SAMD9: variants seen among roughly 807,000 people sequenced by gnomAD.
SAMD9 encodes the protein sterile alpha motif domain containing 9, also known as sterile alpha motif domain-containing protein 9.
In SAMD9, 3 loss-of-function variants were observed where a neutral mutation model predicts 1.5. The observed-to-expected ratio is 2.05, with a 90% CI of 0.93 to 5.29. The LOEUF is 5.29. Ranked by LOEUF, SAMD9 falls within the 30% of genes most tolerant of loss-of-function variation. SAMD9 has a pLI of 0.02. For synonymous variants in SAMD9, 635 were observed against 631.9 expected (o/e 1.00, Z -0.07); for missense variants, 1,597 against 1,820.8 (o/e 0.88, Z 2.24).
At chr7:93,106,158 AAC>A in intron 2 of SAMD9, 53 bp from the exon 3 acceptor site, 1 of 1,279,682 alleles carries the variant, frequency 7.8e-7, no homozygotes, top group Non-Finnish European at 1.1e-6. Context: ...AAAATTTTGA[AAC>A]AATTTTAGTA....
Position 93,103,776 on chromosome 7 carries a change from T to C in SAMD9, c.2322A>G (p.Gly774=). The change falls in exon 3 of 3, where the codon GGA becomes GGG. Residue 774 remains glycine (G), a synonymous_variant. Coordinates refer to ENST00000379958, the MANE Select transcript of SAMD9 (RefSeq NM_017654.4). The part of the protein sequence containing the change: ...KNKTVDFSEI[G]EQVTSLITYG... ...AGGTGATTAAACTGGTTACCTGTTC[T>C]CCAATTTCAGAAAAATCCACTGTCT... The C allele has an allele frequency of 6.2e-7, 1 of 1,613,974 alleles. No individual in the cohort carries two copies. Among genetic ancestry groups the C allele is most frequent in the Non-Finnish European group, 8.5e-7 (1 of 1,179,878 alleles).
chr7:93,105,486 T>C lies in SAMD9; in HGVS notation c.612A>G (p.Ala204=), dbSNP rs749492706. 3.2e-5 allele frequency: 52 copies of C among 1,613,968 alleles called. No homozygotes were observed. The highest frequency in any genetic ancestry group is 1.8e-4 in the Admixed American group (11 of 59,994). The part of the protein sequence containing the change: ...IHEFKAFTNT[A]TATEEDVKMK... ...TCTTGACATCCTCTTCTGTGGCTGT[T>C]GCTGTATTTGTGAAGGCTTTGAATT... Residue 204 remains alanine (A), a synonymous_variant, in exon 3 of 3, where the codon GCA becomes GCG. Transcript: ENST00000379958.
At position 93,102,820 on chromosome 7, in the gene SAMD9, T is replaced by C. The variant is rs781049422; in HGVS notation, c.3278A>G (p.Tyr1093Cys). ...FICQALARHF[Y>C]IKKKDFGNAL... ...ATTGCCAAAGTCCTTCTTTTTAATG[T>C]AGAAATGTCTTGCCAACGCTTGGCA... is the stretch of plus-strand genomic sequence containing the variant. The change falls in exon 3 of 3, where the codon TAC (tyrosine) becomes TGC (cysteine). Residue 1093 changes from tyrosine to cysteine, a missense_variant. By Grantham distance (194) the Tyr-to-Cys change is radical. Transcript: ENST00000379958. The C allele has an allele frequency of 5.0e-6, 8 of 1,613,792 alleles. No individual in the cohort carries two copies. The highest frequency in any genetic ancestry group is 1.3e-5 in the African/African-American group (1 of 74,916).
intron 2 of SAMD9, among the ~76,000 whole-genome samples, chr7:93,113,708 C>T (rs1438302961): frequency 6.6e-6 from 1 of 152,180 alleles, no homozygotes; most frequent in Non-Finnish European, 1.5e-5. Context: ...TGTTCATCAT[C>T]ACTGGCCACC....
intron 2 of SAMD9, among the ~76,000 whole-genome samples, chr7:93,113,870 C>T (rs1173191565): frequency 6.6e-6 from 1 of 152,134 alleles, no homozygotes; most frequent in East Asian, 1.9e-4. Context: ...ACTAGTTCAA[C>T]CATTGTGGAA....
In SAMD9 at chr7:93,111,166, T is replaced by A. The variant is rs571448178; in HGVS notation, c.-9+3629A>T. 4.6e-3 allele frequency among the ~76,000 whole-genome samples: 700 copies of A among 151,732 alleles called. 12 individuals carry two copies. The highest frequency in any genetic ancestry group is 0.025 in the Admixed American group (388 of 15,246). Reference sequence around the variant, plus strand: ...GATTAAGAAACTCACTCAAAACCGCTCAACTACATGGAAACTGAACAACCT... The same window carrying A: ...GATTAAGAAACTCACTCAAAACCGCACAACTACATGGAAACTGAACAACCT... On this transcript the variant is annotated intron_variant, in intron 2 of 2. Transcript: ENST00000379958.
At chr7:93,115,403 T>G (rs990511277) in intron 1 of SAMD9, among the ~76,000 whole-genome samples, 3 of 152,164 alleles carry the variant, frequency 2.0e-5, no homozygotes, top group Non-Finnish European at 4.4e-5. Context: ...GGCAACAACA[T>G]GAATGAATAT....
In SAMD9 at chr7:93,106,010, G is replaced by T; in HGVS notation, c.88C>A (p.Gln30Lys). 6.3e-7 allele frequency: 1 copy of T among 1,591,508 alleles called. No individual in the cohort carries two copies. The highest frequency in any genetic ancestry group is 8.5e-7 in the Non-Finnish European group (1 of 1,171,280). ...TCAGTCAAAATTTCCCTGTGTTTTT[G>T]GTCAATCTTATGACTTTCTAACCAC... Reference protein sequence around the residue: ...NQWLESHKIDQKHREILTEQD... With the variant: ...NQWLESHKIDKKHREILTEQD... The change falls in exon 3 of 3, where the codon CAA becomes AAA. Residue 30 changes from glutamine (Q) to lysine (K), a missense_variant. Gln to Lys is a moderately conservative substitution (Grantham distance 53, BLOSUM62 1). Transcript: ENST00000379958.
chr7:93,109,158 C>A (rs765492867), intron 2 of SAMD9, among the ~76,000 whole-genome samples: 13 of 152,136 alleles, frequency 8.5e-5, no homozygotes, highest in Non-Finnish European at 1.0e-4. Flanking sequence ...TGCTGTTCTG[C>A]AACCTCTGCC....
In SAMD9 at chr7:93,101,124, T is replaced by G; in HGVS notation, c.*204A>C. ...CCAAACCAAGGAACATATTTGCTAC[T>G]TTTCATATATCTCACTCCTTCCTTT... is the stretch of plus-strand genomic sequence containing the variant. On this transcript the variant is annotated 3_prime_UTR_variant, in exon 3 of 3. Transcript: ENST00000379958. 1 of 591,898 alleles carries G rather than the reference T, an allele frequency of 1.7e-6. No individual in the cohort carries two copies. Among genetic ancestry groups the G allele is most frequent in the Non-Finnish European group, 3.0e-6 (1 of 333,494 alleles). The allele number at this position is 591,898 out of a possible 1,614,324, so 36.7% of individuals were successfully genotyped here.
chr7:93,108,505 C>T (rs1194009479), intron 2 of SAMD9, among the ~76,000 whole-genome samples: 4 of 152,016 alleles, frequency 2.6e-5, no homozygotes, highest in Non-Finnish European at 4.4e-5. Flanking sequence ...GGCAGGGCAT[C>T]GCATCCCACA....
At chr7:93,107,034 G>A (rs1791657974) in intron 2 of SAMD9, among the ~76,000 whole-genome samples, 5 of 151,840 alleles carry the variant, frequency 3.3e-5, no homozygotes, top group Admixed American at 2.6e-4. Flanking sequence ...TGTGTTGTTG[G>A]GTATTTTAAT....
rs946402503 is a variant in SAMD9, at chr7:93,104,756, T to C, written c.1342A>G (p.Ile448Val). 10 of 1,613,902 alleles carry C rather than the reference T, an allele frequency of 6.2e-6. No individual in the cohort carries two copies. The highest frequency in any genetic ancestry group is 8.5e-6 in the Non-Finnish European group (10 of 1,179,906). ...TTGTAAGCTTTGACCACTCCATTGATGTTAGACTCAGGATCAAACTCCAAT... is the reference window on the plus strand; with the variant it reads ...TTGTAAGCTTTGACCACTCCATTGACGTTAGACTCAGGATCAAACTCCAAT... ...AVLEFDPESN[I>V]NGVVKAYKES... is the part of the protein sequence containing the mutation. The change falls in exon 3 of 3, where the codon ATC becomes GTC. Residue 448 changes from isoleucine to valine, a missense_variant. Transcript: ENST00000379958.
Position 93,105,436 on chromosome 7 carries a change from C to T in SAMD9, c.662G>A (p.Arg221Gln), listed in dbSNP as rs148603551. 213 of 1,613,868 alleles carry T rather than the reference C, an allele frequency of 1.3e-4. 1 individual carries two copies. The highest frequency in any genetic ancestry group is 1.7e-4 in the Non-Finnish European group (197 of 1,179,976). Reference sequence around the variant, plus strand: ...TGAATTCATACAAGCTGAAGCAAATCGGAAAACCTCATTGCTAAATTTCAT... The same window carrying T: ...TGAATTCATACAAGCTGAAGCAAATTGGAAAACCTCATTGCTAAATTTCAT... ...VKMKFSNEVF[R>Q]FASACMNSRT... is the part of the protein sequence containing the mutation. The change falls in exon 3 of 3, where the codon CGA (arginine) becomes CAA (glutamine). Residue 221 changes from arginine to glutamine, a missense_variant. Arg to Gln is a conservative substitution (Grantham distance 43, BLOSUM62 1). This residue lies in a region of SAMD9 where 498 missense variants were observed against 457.4 expected (regional missense o/e 1.09). Transcript: ENST00000379958.
chr7:93,110,692 A>T (rs1490125395), intron 2 of SAMD9, among the ~76,000 whole-genome samples: 1 of 152,238 alleles, frequency 6.6e-6, no homozygotes, highest in Non-Finnish European at 1.5e-5. Context: ...ACCAACAAGG[A>T]TCAAAAGAGA....
In SAMD9 at chr7:93,104,389, A is replaced by C. The variant is rs756118015; in HGVS notation, c.1709T>G (p.Met570Arg). 6.2e-7 allele frequency: 1 copy of C among 1,613,938 alleles called. No homozygotes were observed. Among genetic ancestry groups the C allele is most frequent in the Non-Finnish European group, 8.5e-7 (1 of 1,179,860 alleles). The stretch of plus-strand genomic sequence containing the variant: ...CACACAAATACACAGTATATTTTCC[A>C]TTCCTTTGAGATCCTGGTAGAAAGC... ...FCAFYQDLKGMENILCICVHP... is the reference protein window; with the variant it reads ...FCAFYQDLKGRENILCICVHP... Residue 570 changes from methionine (M) to arginine (R), a missense_variant, in exon 3 of 3, where the codon ATG becomes AGG. By Grantham distance (91) the Met-to-Arg change is moderately conservative (BLOSUM62 -1). Transcript: ENST00000379958.
At chr7:93,110,664 T>A (rs567648368) in intron 2 of SAMD9, among the ~76,000 whole-genome samples, 1 of 151,708 alleles carries the variant, frequency 6.6e-6, no homozygotes, top group East Asian at 1.9e-4. Context: ...TTGTAGTCTC[T>A]GATAAAACAG....
chr7:93,103,691 C>A lies in SAMD9; in HGVS notation c.2407G>T (p.Glu803Ter), dbSNP rs541996783. The A allele has an allele frequency of 1.9e-6, 3 of 1,613,786 alleles. No homozygotes were observed. The East Asian group carries it at 6.7e-5, about 36-fold the overall frequency. Residue 803 changes from glutamate (E) to a stop codon, truncating the protein, a stop_gained, in exon 3 of 3, where the codon GAA becomes TAA. Transcript: ENST00000379958. LOFTEE classifies it low-confidence loss of function (END_TRUNC). Reference sequence around the variant, plus strand: ...TGCAGAAGATAGACATTATCTTGTTCTTCAAAATCATCAACAAGGAGTAGT... The same window carrying A: ...TGCAGAAGATAGACATTATCTTGTTATTCAAAATCATCAACAAGGAGTAGT... ...PVLLLVDDFE[E>*]QDNVYLLQYS...
Position 93,102,581 on chromosome 7 carries a change from T to G in SAMD9, c.3517A>C (p.Arg1173=). The G allele has an allele frequency of 6.2e-7, 1 of 1,613,888 alleles. No homozygotes were observed. The highest frequency in any genetic ancestry group is 1.3e-5 in the African/African-American group (1 of 75,058). The change falls in exon 3 of 3, where the codon AGA becomes CGA. Residue 1173 remains arginine (R), a synonymous_variant. Coordinates refer to ENST00000379958, the MANE Select transcript of SAMD9 (RefSeq NM_017654.4). The part of the protein sequence containing the change: ...FKESQQQSED[R]EYEVKERLYP... Reference sequence around the variant, plus strand: ...AATCTTTCCTTCACTTCATACTCTCTATCTTCACTTTGCTGTTGAGATTCT... The same window carrying G: ...AATCTTTCCTTCACTTCATACTCTCGATCTTCACTTTGCTGTTGAGATTCT...
Sources: allele counts gnomAD v4.1 joint callset (sites outside exome capture counted in the v4.1 genomes callset), GRCh38; gene constraint gnomAD v4.1.1; regional missense constraint gnomAD v4.1.1; transcripts MANE v1.5; gene names NCBI Gene and HGNC (gene_info 2026-07-23, HGNC 2026-07-21).